The following HCN1 variants were observed in gnomAD, a reference collection of about 807,000 sequenced individuals.
HCN1 encodes the protein hyperpolarization activated cyclic nucleotide gated potassium channel 1, also known as potassium/sodium hyperpolarization-activated cyclic nucleotide-gated channel 1.
A neutral mutation model predicts 78.9 loss-of-function variants in HCN1; 13 were observed. The ratio of observed to expected loss-of-function variants is 0.16; its 90% CI spans 0.11 to 0.26. The LOEUF (loss-of-function observed/expected upper bound fraction) is 0.26, where lower values mean the gene tolerates loss of function less well. Ranked by LOEUF, HCN1 falls within the 10% of genes least tolerant of loss-of-function variation. The probability of loss-of-function intolerance (pLI) is 1.00; values close to 1 mark genes in which losing one functional copy is unlikely to be tolerated. For synonymous variants in HCN1, 552 were observed against 455.5 expected (o/e 1.21, Z -2.70); for missense variants, 810 against 1,154.3 (o/e 0.70, Z 4.32).
chr5:45,304,969 G>T (rs1331321799), intron 5 of HCN1, among the ~76,000 whole-genome samples: 1 of 152,102 alleles, frequency 6.6e-6, no homozygotes, highest in Non-Finnish European at 1.5e-5. Context: ...TCACTTATGT[G>T]ACACAGAAGA....
intron 6 of HCN1, among the ~76,000 whole-genome samples, chr5:45,284,527 G>A (rs1745230477): frequency 6.6e-6 from 1 of 152,122 alleles, no homozygotes; most frequent in Non-Finnish European, 1.5e-5. Flanking sequence ...TCTGTGCACT[G>A]AAATGCTTGT....
At chr5:45,375,146 T>C (rs1251211919) in intron 4 of HCN1, among the ~76,000 whole-genome samples, 1 of 121,294 alleles carries the variant, frequency 8.2e-6, no homozygotes, top group Non-Finnish European at 1.6e-5. Flanking sequence ...TTATAATATA[T>C]AATGTATTAT....
intron 3 of HCN1, among the ~76,000 whole-genome samples, chr5:45,452,114 C>T (rs1482856533): frequency 6.7e-6 from 1 of 148,976 alleles, no homozygotes; most frequent in Admixed American, 6.7e-5. Flanking sequence ...ATGGTAAATT[C>T]CAAACTTTCC....
At chr5:45,344,961 G>T (rs1436634849) in intron 5 of HCN1, among the ~76,000 whole-genome samples, 1 of 152,142 alleles carries the variant, frequency 6.6e-6, no homozygotes, top group African/African-American at 2.4e-5. Flanking sequence ...CTACCACACT[G>T]CCCTAGCAGA....
chr5:45,533,968 C>T (rs777753714), intron 2 of HCN1, among the ~76,000 whole-genome samples: 17 of 152,132 alleles, frequency 1.1e-4, no homozygotes, highest in Non-Finnish European at 1.9e-4. Flanking sequence ...CAAGGATTGG[C>T]ATAATGTTGG....
At chr5:45,574,933 T>C (rs1743909245) in intron 2 of HCN1, 1 of 152,236 alleles carries the variant, frequency 6.6e-6, no homozygotes, top group South Asian at 2.1e-4. Flanking sequence ...ATGAGGAAGC[T>C]ACAGAAGAAA....
intron 4 of HCN1, among the ~76,000 whole-genome samples, chr5:45,393,951 A>C (rs373461238): frequency 6.6e-5 from 10 of 152,272 alleles, no homozygotes; most frequent in African/African-American, 2.2e-4. Context: ...ATCAGGGGGT[A>C]AGGTGAGATT....
At chr5:45,405,857 T>C (rs935032112) in intron 3 of HCN1, among the ~76,000 whole-genome samples, 1 of 152,304 alleles carries the variant, frequency 6.6e-6, no homozygotes, top group East Asian at 1.9e-4. Context: ...TGAAGAGTGA[T>C]GTCTGATTAT....
chr5:45,493,855 G>T (rs1360914826), intron 2 of HCN1, among the ~76,000 whole-genome samples: 2 of 150,450 alleles, frequency 1.3e-5, no homozygotes, highest in Non-Finnish European at 3.0e-5. Flanking sequence ...GCGGTGTTTG[G>T]TTTTTTGTTC....
intron 2 of HCN1, among the ~76,000 whole-genome samples, chr5:45,479,633 G>C (rs1023379639): frequency 5.9e-5 from 9 of 152,222 alleles, no homozygotes; most frequent in African/African-American, 2.2e-4. Flanking sequence ...TGGCTCCTAG[G>C]TTTCTAATTG....
chr5:45,262,801 T>A lies in HCN1; in HGVS notation c.1793A>T (p.Asn598Ile). 1 of 1,613,820 alleles carries A rather than the reference T, an allele frequency of 6.2e-7. No homozygotes were observed. Among genetic ancestry groups the A allele is most frequent in the Non-Finnish European group, 8.5e-7 (1 of 1,180,030 alleles). The change falls in exon 8 of 8, where the codon AAT becomes ATT. Residue 598 changes from asparagine (N) to isoleucine (I), a missense_variant. Physicochemically the swap from Asn to Ile is moderately radical, Grantham distance 149. Around this residue, in one of 6 missense-constraint regions of HCN1, gnomAD observed 398 missense variants for 381.3 expected, o/e 1.04. Transcript: ENST00000303230. ...CTGGAACTTTTGCAGAAGAATTGAATTTTTCTTTCCTGTCAGCAAAAGAAA... is the reference window on the plus strand; with the variant it reads ...CTGGAACTTTTGCAGAAGAATTGAAATTTTCTTTCCTGTCAGCAAAAGAAA... ...IDRLDRIGKKNSILLQKFQKD... is the reference protein window; with the variant it reads ...IDRLDRIGKKISILLQKFQKD...
intron 5 of HCN1, among the ~76,000 whole-genome samples, chr5:45,340,779 CT>C (rs1412230643): frequency 3.9e-5 from 6 of 152,068 alleles, no homozygotes; most frequent in Non-Finnish European, 5.9e-5. Flanking sequence ...TACAACACAT[CT>C]GAATAGGATC....
chr5:45,303,502 A>C (rs1745669435), intron 6 of HCN1, 97 bp downstream of exon 6: 1 of 1,332,826 alleles, frequency 7.5e-7, no homozygotes, highest in South Asian at 1.2e-5. Flanking sequence ...GTTTACATTC[A>C]AAACCAAAAA....
chr5:45,454,792 A>G (rs1740991116), intron 3 of HCN1, among the ~76,000 whole-genome samples: 1 of 152,158 alleles, frequency 6.6e-6, no homozygotes, highest in Non-Finnish European at 1.5e-5. Context: ...ATGGCAATAG[A>G]TAAAATAATT....
intron 3 of HCN1, among the ~76,000 whole-genome samples, chr5:45,448,542 C>A (rs952665525): frequency 9.2e-5 from 14 of 152,094 alleles, no homozygotes; most frequent in African/African-American, 3.4e-4. Context: ...GTCTAGTATT[C>A]TGCAGGTGGT....
chr5:45,313,491 C>T (rs1474475658), intron 5 of HCN1, among the ~76,000 whole-genome samples: 1 of 152,172 alleles, frequency 6.6e-6, no homozygotes, highest in Non-Finnish European at 1.5e-5. Context: ...CAGCTCCTCG[C>T]CAGCACCAGA....
intron 7 of HCN1, 65 bp from the exon 8 acceptor site, chr5:45,262,875 G>T: frequency 1.3e-6 from 2 of 1,558,660 alleles, no homozygotes; most frequent in Non-Finnish European, 1.8e-6. Context: ...CGCCAAGTGA[G>T]AGTGGCTCCT....
rs1200072887 is a variant in HCN1, at chr5:45,256,982, T to C, written c.*4939A>G. 2 of 152,236 alleles carry C rather than the reference T, an allele frequency of 1.3e-5. No individual in the cohort carries two copies. Among genetic ancestry groups the C allele is most frequent in the Non-Finnish European group, 1.5e-5 (1 of 68,046 alleles). The allele number at this position is 152,236 out of a possible 1,614,324, so 9.4% of individuals were successfully genotyped here. A position where few individuals can be genotyped will look rare whatever the true frequency, so the allele number is the denominator to read the frequency against. On this transcript the variant is annotated 3_prime_UTR_variant, in exon 8 of 8. Coordinates refer to ENST00000303230, the MANE Select transcript of HCN1 (RefSeq NM_021072.4). ...CCTTCCCTGCCGCAATATATTATCT[T>C]ACGCAAAGCAAGTAAACTTTCAGTT...
At chr5:45,613,173 G>A (rs1266459168) in intron 2 of HCN1, among the ~76,000 whole-genome samples, 1 of 105,828 alleles carries the variant, frequency 9.4e-6, no homozygotes, top group Non-Finnish European at 1.8e-5. Flanking sequence ...CCCCACAACA[G>A]TCCCCAGAGT....
Sources: allele counts gnomAD v4.1 joint callset (sites outside exome capture counted in the v4.1 genomes callset), GRCh38; gene constraint gnomAD v4.1.1; regional missense constraint gnomAD v4.1.1; transcripts MANE v1.5; gene names NCBI Gene and HGNC (gene_info 2026-07-23, HGNC 2026-07-21).